Variants in FUT8 observed in about 807,000 individuals in gnomAD.
The protein encoded by FUT8 is alpha-(1,6)-fucosyltransferase.
In FUT8, 29 loss-of-function variants were observed where a neutral mutation model predicts 71.3. The observed-to-expected ratio is 0.41, with a 90% CI of 0.30 to 0.55. The LOEUF is 0.55. FUT8 is among the 20% of genes least tolerant of loss of function. The probability of loss-of-function intolerance (pLI) is 0.34; values close to 1 mark genes in which losing one functional copy is unlikely to be tolerated. For synonymous variants in FUT8, 254 were observed against 239.3 expected (o/e 1.06, Z -0.57); for missense variants, 544 against 702.1 (o/e 0.77, Z 2.55).
rs2065800340 is a variant in FUT8 at position 65,450,131 on chromosome 14, A to T, written c.-325-5490A>T. Among the ~76,000 whole-genome samples the T allele has an allele frequency of 2.6e-5, 4 of 152,260 alleles. No homozygotes were observed. The South Asian group carries it at 8.3e-4, about 32-fold the overall frequency. On this transcript the variant is annotated intron_variant, in intron 1 of 10. Coordinates refer to ENST00000673929, the MANE Select transcript of FUT8 (RefSeq NM_001371533.1). ...TAGAACAAGATGTATTTCTTTGAAG[A>T]TGAGACTCAATGGGCCATTTGCTGT... is the stretch of plus-strand genomic sequence containing the variant.
intron 5 of FUT8, among the ~76,000 whole-genome samples, chr14:65,626,769 G>A (rs1056883679): frequency 6.6e-6 from 1 of 152,074 alleles, no homozygotes; most frequent in Non-Finnish European, 1.5e-5. Flanking sequence ...TATGTTTTTA[G>A]TTAATACAGT....
the FUT8 span, among the ~76,000 whole-genome samples, chr14:65,402,815 T>C: frequency 6.6e-6 from 1 of 152,292 alleles, no homozygotes; most frequent in East Asian, 1.9e-4. Flanking sequence ...TATTTTAAAC[T>C]AAATGATCAG....
intron 3 of FUT8, among the ~76,000 whole-genome samples, chr14:65,563,385 A>G (rs889534338): frequency 1.3e-5 from 2 of 152,036 alleles, no homozygotes; most frequent in East Asian, 1.9e-4. Flanking sequence ...CAGATTAACA[A>G]TTATAGAGAT....
chr14:65,742,413 C>T lies in FUT8; in HGVS notation c.*3C>T. On this transcript the variant is annotated 3_prime_UTR_variant, in exon 11 of 11. Coordinates refer to ENST00000673929, the MANE Select transcript of FUT8 (RefSeq NM_001371533.1). The stretch of plus-strand genomic sequence containing the variant: ...CATATCCTGAGGCTGAGAAATAAAG[C>T]TCAGATGGAAGAGATAAACGACCAA... 1.2e-6 allele frequency: 2 copies of T among 1,607,864 alleles called. No homozygotes were observed. Among genetic ancestry groups the T allele is most frequent in the Non-Finnish European group, 1.7e-6 (2 of 1,176,104 alleles).
At chr14:65,611,197 AC>A (rs1888893182) in intron 3 of FUT8, among the ~76,000 whole-genome samples, 1 of 61,346 alleles carries the variant, frequency 1.6e-5, no homozygotes, top group East Asian at 3.6e-4. Context: ...ACACACACAC[AC>A]GCGCGCGCGC....
intron 1 of FUT8, among the ~76,000 whole-genome samples, chr14:65,448,848 A>G (rs907206668): frequency 1.4e-4 from 22 of 152,244 alleles, no homozygotes; most frequent in Admixed American, 4.6e-4. Flanking sequence ...TCTTGACTGT[A>G]ATAGATACTG....
intron 10 of FUT8, among the ~76,000 whole-genome samples, chr14:65,739,654 A>G (rs1002509358): frequency 1.3e-5 from 2 of 152,004 alleles, no homozygotes; most frequent in African/African-American, 4.8e-5. Context: ...GGGTGAAGAC[A>G]CCCTGAAAAG....
At chr14:65,469,754 C>T (rs973238102) in intron 2 of FUT8, among the ~76,000 whole-genome samples, 3 of 152,184 alleles carry the variant, frequency 2.0e-5, no homozygotes, top group African/African-American at 7.2e-5. Context: ...TCAGCAGAGA[C>T]GATAGCTCCT....
At chr14:65,693,324 G>GCGAAACCC (rs1893804731) in intron 7 of FUT8, among the ~76,000 whole-genome samples, 2 of 152,354 alleles carry the variant, frequency 1.3e-5, no homozygotes, top group South Asian at 2.1e-4. Context: ...AGCCAACACA[G>GCGAAACCC]CGAAACCCCG....
At chr14:65,492,725 G>C (rs73284143) in intron 2 of FUT8, among the ~76,000 whole-genome samples, 18,998 of 152,058 alleles carry the variant, frequency 0.12, 1,535 homozygotes, top group East Asian at 0.38. Flanking sequence ...GGAAGAGAAA[G>C]GAAATAAAAC....
At chr14:65,443,460 C>T (rs2065692570) in intron 1 of FUT8, among the ~76,000 whole-genome samples, 1 of 150,454 alleles carries the variant, frequency 6.6e-6, no homozygotes, top group Admixed American at 6.6e-5. Flanking sequence ...GTGGCTCACA[C>T]CTATGATCCC....
Position 65,709,772 on chromosome 14 carries a change from A to G in FUT8, c.836-12003A>G, listed in dbSNP as rs139112631. Among the ~76,000 whole-genome samples the G allele has an allele frequency of 7.8e-3, 1,184 of 152,302 alleles. 37 individuals are homozygous for G. The highest frequency in any genetic ancestry group is 0.051 in the Admixed American group (776 of 15,302). The stretch of plus-strand genomic sequence containing the variant: ...GTGTTATCCAACTGGCACGTTTGGC[A>G]GGAGGAACCAAACGTGTGAGGCACA... On this transcript the variant is annotated intron_variant, in intron 7 of 10. Transcript: ENST00000673929.
intron 5 of FUT8, among the ~76,000 whole-genome samples, chr14:65,628,457 G>C (rs2140259067): frequency 6.6e-6 from 1 of 152,318 alleles, no homozygotes; most frequent in Admixed American, 6.5e-5. Context: ...CTTGTTAGGA[G>C]GTTGTTGTAA....
At chr14:65,700,645 C>T (rs190277437) in intron 7 of FUT8, among the ~76,000 whole-genome samples, 49 of 152,146 alleles carry the variant, frequency 3.2e-4, no homozygotes, top group African/African-American at 7.7e-4. Flanking sequence ...GTGATCCGCC[C>T]GCCTTGGCCT....
intron 6 of FUT8, among the ~76,000 whole-genome samples, chr14:65,634,281 C>G (rs572538710): frequency 1.4e-3 from 214 of 152,232 alleles, no homozygotes; most frequent in Non-Finnish European, 2.4e-3. Context: ...CCTGTGCTCT[C>G]TGAAACATGT....
intron 2 of FUT8, among the ~76,000 whole-genome samples, chr14:65,491,982 A>G (rs1244364592): frequency 6.6e-6 from 1 of 152,140 alleles, no homozygotes; most frequent in Non-Finnish European, 1.5e-5. Context: ...TTTGTCACTT[A>G]CAGCCAGCCT....
intron 7 of FUT8, among the ~76,000 whole-genome samples, chr14:65,712,745 A>G (rs1392370978): frequency 6.6e-6 from 1 of 152,138 alleles, no homozygotes; most frequent in Non-Finnish European, 1.5e-5. Flanking sequence ...GCGCCTGGTG[A>G]AAATATAGTT....
chr14:65,441,604 T>G (rs558150984), intron 1 of FUT8, among the ~76,000 whole-genome samples: 7 of 151,700 alleles, frequency 4.6e-5, no homozygotes, highest in African/African-American at 1.7e-4. Flanking sequence ...AAAAAAAAAA[T>G]TAGCCGGGTG....
At chr14:65,661,173 C>A (rs998403383) in intron 6 of FUT8, among the ~76,000 whole-genome samples, 3 of 152,052 alleles carry the variant, frequency 2.0e-5, no homozygotes, top group Non-Finnish European at 1.5e-5. Context: ...GGAAGGATCT[C>A]CTGGGGTTCT....
Sources: allele counts gnomAD v4.1 joint callset (sites outside exome capture counted in the v4.1 genomes callset), GRCh38; gene constraint gnomAD v4.1.1; transcripts MANE v1.5; gene names NCBI Gene and HGNC (gene_info 2026-07-23, HGNC 2026-07-21).